ANKRD31: variants seen among roughly 807,000 people sequenced by gnomAD.
ANKRD31 encodes ankyrin repeat domain 31, also known as ankyrin repeat domain-containing protein 31.
ANKRD31 carries 147 observed loss-of-function variants against 186.0 expected under a neutral mutation model. That is an observed-to-expected ratio of 0.79 (90% CI 0.69 to 0.91). The LOEUF (loss-of-function observed/expected upper bound fraction) is 0.91. ANKRD31 is among the 40% of genes least tolerant of loss of function. ANKRD31 has a pLI of 0.00. For missense variants in ANKRD31, 1,986 were observed against 2,148.8 expected, an observed-to-expected ratio of 0.92 and a Z score of 1.50; for synonymous variants, 673 against 736.4, an observed-to-expected ratio of 0.91 and a Z score of 1.39.
At chr5:75,070,887 G>A (rs913682707) in intron 25 of ANKRD31, among the ~76,000 whole-genome samples, 2 of 152,186 alleles carry the variant, frequency 1.3e-5, no homozygotes, top group African/African-American at 4.8e-5. Context: ...GAGGTCAGGA[G>A]TTCAAGGCCA....
chr5:75,142,158 T>G (rs1751099101), intron 15 of ANKRD31, among the ~76,000 whole-genome samples: 2 of 152,170 alleles, frequency 1.3e-5, no homozygotes, highest in South Asian at 4.1e-4. Flanking sequence ...TTTCAGGATC[T>G]TCTCTTTATT....
chr5:75,192,905 G>A, intron 8 of ANKRD31, 129 bp from the exon 9 acceptor site: 1 of 725,728 alleles, frequency 1.4e-6, no homozygotes, highest in East Asian at 2.9e-5. Flanking sequence ...AAGTGGCGTG[G>A]CAGTTTTAAA....
rs1755409555 is a variant in ANKRD31, at chr5:75,195,621, C to T, written c.1017+10G>A. 3 of 1,496,154 alleles carry T rather than the reference C, an allele frequency of 2.0e-6. No homozygotes were observed. Among genetic ancestry groups the T allele is most frequent in the Non-Finnish European group, 2.7e-6 (3 of 1,126,022 alleles). The allele number at this position is 1,496,154 out of a possible 1,614,324, so 92.7% of individuals were successfully genotyped here. A position where few individuals can be genotyped will look rare whatever the true frequency, so the allele number is the denominator to read the frequency against. On this transcript the variant is annotated intron_variant, in intron 7 of 25. Coordinates refer to ENST00000506364, the MANE Select transcript of ANKRD31 (RefSeq NM_001372053.1). Reference sequence around the variant, plus strand: ...AATGGTGGAGTAGAACAAAGAAATTCAAAATTCACCTCTGCTATTTGTGTA... The same window carrying T: ...AATGGTGGAGTAGAACAAAGAAATTTAAAATTCACCTCTGCTATTTGTGTA...
Position 75,193,571 on chromosome 5 carries a change from T to C in ANKRD31, c.1038A>G (p.Pro346=). The change falls in exon 8 of 26, where the codon CCA becomes CCG. Residue 346 remains proline (P), a synonymous_variant. Coordinates refer to ENST00000506364, the MANE Select transcript of ANKRD31 (RefSeq NM_001372053.1). Reference sequence around the variant, plus strand: ...GATGAGCCAAAGTTTGCAATCCAGATGGATTTGGGTCTTGCAGAGTCTGCA... The same window carrying C: ...GATGAGCCAAAGTTTGCAATCCAGACGGATTTGGGTCTTGCAGAGTCTGCA... ...QIAETLQDPN[P]SGLQTLAHQN... 2.0e-6 allele frequency: 3 copies of C among 1,536,116 alleles called. No individual in the cohort carries two copies. The highest frequency in any genetic ancestry group is 2.6e-6 in the Non-Finnish European group (3 of 1,146,212).
At chr5:75,101,622 G>A (rs1006884802) in intron 22 of ANKRD31, among the ~76,000 whole-genome samples, 12 of 151,962 alleles carry the variant, frequency 7.9e-5, no homozygotes, top group South Asian at 4.2e-4. Flanking sequence ...AGGCTTTGTC[G>A]TTTCTTTTTA....
chr5:75,209,302 CT>C (rs1359023904), intron 4 of ANKRD31, among the ~76,000 whole-genome samples: 2 of 152,032 alleles, frequency 1.3e-5, no homozygotes, highest in African/African-American at 4.8e-5. Context: ...AAAAAATCAC[CT>C]CTCAAGTTAA....
At chr5:75,133,783 A>G (rs9744826) in intron 17 of ANKRD31, among the ~76,000 whole-genome samples, 100 of 152,340 alleles carry the variant, frequency 6.6e-4, no homozygotes, top group African/African-American at 1.3e-3. Context: ...CTCCTCAGCA[A>G]ATATAAAAGA....
intron 11 of ANKRD31, among the ~76,000 whole-genome samples, chr5:75,160,742 C>T (rs1407388466): frequency 2.0e-5 from 3 of 152,076 alleles, no homozygotes; most frequent in Admixed American, 6.6e-5. Flanking sequence ...CCACATGTTG[C>T]GGGAGGGACG....
chr5:75,069,641 G>T (rs1429474306), intron 25 of ANKRD31, among the ~76,000 whole-genome samples: 1 of 152,006 alleles, frequency 6.6e-6, no homozygotes, highest in Non-Finnish European at 1.5e-5. Context: ...TGCCTCCGAG[G>T]TTCAAGTGAT....
intron 15 of ANKRD31, among the ~76,000 whole-genome samples, chr5:75,139,536 GT>G (rs1750851088): frequency 6.6e-6 from 1 of 152,076 alleles, no homozygotes; most frequent in Non-Finnish European, 1.5e-5. Context: ...AACTGATCAT[GT>G]TTTCCCCCTA....
At chr5:75,233,331 G>A (rs1223030350) in intron 1 of ANKRD31, among the ~76,000 whole-genome samples, 3 of 151,980 alleles carry the variant, frequency 2.0e-5, no homozygotes, top group African/African-American at 7.2e-5. Context: ...CCAAAGCACT[G>A]GGATAACAGG....
intron 10 of ANKRD31, among the ~76,000 whole-genome samples, chr5:75,172,012 A>T (rs529729497): frequency 1.3e-5 from 2 of 152,024 alleles, no homozygotes; most frequent in Admixed American, 6.6e-5. Flanking sequence ...TAGATTTTTT[A>T]AAATCCTTAA....
rs1230605278 is a variant in ANKRD31, at chr5:75,104,306, C to A, written c.5253G>T (p.Lys1751Asn). 3.9e-6 allele frequency: 6 copies of A among 1,536,164 alleles called. No individual in the cohort carries two copies. Among genetic ancestry groups the A allele is most frequent in the African/African-American group, 2.7e-5 (2 of 72,974 alleles). ...KALNYSTAPK[K>N]KCIQIKDLIL... Reference sequence around the variant, plus strand: ...TCAAATCTTTTATCTGAATACATTTCTTTTTAGGAGCTGTACTGTAGTTTA... The same window carrying A: ...TCAAATCTTTTATCTGAATACATTTATTTTTAGGAGCTGTACTGTAGTTTA... Residue 1751 changes from lysine to asparagine, a missense_variant, in exon 22 of 26, where the codon AAG (lysine) becomes AAT (asparagine). Physicochemically the swap from Lys to Asn is moderately conservative, Grantham distance 94 (BLOSUM62 0). Coordinates refer to ENST00000506364, the MANE Select transcript of ANKRD31 (RefSeq NM_001372053.1).
chr5:75,234,354 A>G (rs1307990140), intron 1 of ANKRD31, among the ~76,000 whole-genome samples: 1 of 152,180 alleles, frequency 6.6e-6, no homozygotes, highest in Non-Finnish European at 1.5e-5. Flanking sequence ...ATATATTTAT[A>G]TGGTTCAAAA....
chr5:75,070,692 T>C (rs913171191), intron 25 of ANKRD31, among the ~76,000 whole-genome samples: 2 of 152,222 alleles, frequency 1.3e-5, no homozygotes, highest in Non-Finnish European at 2.9e-5. Flanking sequence ...GTAGAAAAAT[T>C]TGTCTACTAT....
At chr5:75,233,114 G>A (rs1200025680) in intron 1 of ANKRD31, among the ~76,000 whole-genome samples, 3 of 150,364 alleles carry the variant, frequency 2.0e-5, no homozygotes, top group Non-Finnish European at 2.9e-5. Flanking sequence ...CCAGGCTGGA[G>A]TGCAGTGATA....
intron 4 of ANKRD31, among the ~76,000 whole-genome samples, chr5:75,210,412 AATCTGCCT>A (rs1480182894): frequency 6.6e-6 from 1 of 152,158 alleles, no homozygotes; most frequent in African/African-American, 2.4e-5. Flanking sequence ...GACCTCAGGT[AATCTGCCT>A]ACCTTAGCCT....
chr5:75,178,030 T>A (rs1028180903), intron 10 of ANKRD31, among the ~76,000 whole-genome samples: 2 of 151,868 alleles, frequency 1.3e-5, no homozygotes, highest in African/African-American at 4.8e-5. Context: ...AATAAAGGGA[T>A]GGAGGAAGAT....
chr5:75,130,236 A>G (rs1381492322), intron 17 of ANKRD31, among the ~76,000 whole-genome samples: 1 of 152,178 alleles, frequency 6.6e-6, no homozygotes, highest in Non-Finnish European at 1.5e-5. Context: ...GCTGGCTTCA[A>G]GAGTGAAGCT....
Sources: gnomAD v4.1 joint callset for allele counts (sites outside exome capture counted in the v4.1 genomes callset) on GRCh38, gnomAD v4.1.1 for gene constraint, MANE v1.5 for transcripts, NCBI Gene and HGNC (gene_info 2026-07-23, HGNC 2026-07-21) for gene names.